The following SLC9A9 variants were observed in gnomAD, a reference collection of about 807,000 sequenced individuals.
SLC9A9 encodes solute carrier family 9 member A9.
SLC9A9 carries 62 observed loss-of-function variants against 77.8 expected under a neutral mutation model. That is an observed-to-expected ratio of 0.80 (90% CI 0.65 to 0.98). The LOEUF is 0.98. Ranked by LOEUF, SLC9A9 falls within the 50% of genes least tolerant of loss-of-function variation. The probability of loss-of-function intolerance (pLI) is 0.00; values close to 1 mark genes in which losing one functional copy is unlikely to be tolerated. For missense variants in SLC9A9, 775 were observed against 774.9 expected (o/e 1.00, Z 0.00); for synonymous variants, 320 against 283.5 (o/e 1.13, Z -1.29).
chr3:143,523,899 A>C (rs961603839), intron 9 of SLC9A9, among the ~76,000 whole-genome samples: 1 of 152,172 alleles, frequency 6.6e-6, no homozygotes, highest in African/African-American at 2.4e-5. Flanking sequence ...AGCTATATAA[A>C]ACGAAGAAAG....
intron 14 of SLC9A9, among the ~76,000 whole-genome samples, chr3:143,275,829 A>G (rs557506823): frequency 6.6e-6 from 1 of 152,258 alleles, no homozygotes; most frequent in South Asian, 2.1e-4. Context: ...TTTTCTTATA[A>G]TAGCTCTGTT....
At chr3:143,467,932 T>C (rs2035313259) in intron 11 of SLC9A9, among the ~76,000 whole-genome samples, 1 of 152,246 alleles carries the variant, frequency 6.6e-6, no homozygotes, top group South Asian at 2.1e-4. Context: ...GTATATAGTC[T>C]CTTGGAATTG....
intron 4 of SLC9A9, among the ~76,000 whole-genome samples, chr3:143,734,860 C>G (rs1435526688): frequency 6.6e-6 from 1 of 151,936 alleles, no homozygotes; most frequent in Non-Finnish European, 1.5e-5. Context: ...GCTGTTTATT[C>G]TATCTACTCT....
intron 12 of SLC9A9, among the ~76,000 whole-genome samples, chr3:143,425,152 G>A (rs2034379503): frequency 6.6e-6 from 1 of 152,026 alleles, no homozygotes; most frequent in African/African-American, 2.4e-5. Flanking sequence ...AATTATTCAG[G>A]TAGAGGGTTA....
At chr3:143,842,728 G>A (rs2009739304) in intron 1 of SLC9A9, among the ~76,000 whole-genome samples, 1 of 152,224 alleles carries the variant, frequency 6.6e-6, no homozygotes, top group Non-Finnish European at 1.5e-5. Flanking sequence ...GAATTCAACA[G>A]AATTTACTGA....
At chr3:143,772,161 A>G (rs555172164) in intron 4 of SLC9A9, among the ~76,000 whole-genome samples, 1 of 152,152 alleles carries the variant, frequency 6.6e-6, no homozygotes, top group South Asian at 2.1e-4. Context: ...TGCTGCCAGG[A>G]CAAGCAAGGG....
chr3:143,295,380 A>G (rs2030219247), intron 14 of SLC9A9, among the ~76,000 whole-genome samples: 1 of 152,240 alleles, frequency 6.6e-6, no homozygotes, highest in Non-Finnish European at 1.5e-5. Context: ...TGCAGACAGC[A>G]GTAAAAGCTA....
chr3:143,482,974 T>C (rs987322872), intron 11 of SLC9A9, among the ~76,000 whole-genome samples: 10 of 152,292 alleles, frequency 6.6e-5, no homozygotes, highest in Admixed American at 5.2e-4. Context: ...GTGCTGAGTG[T>C]CACACGATAT....
At position 143,517,712 on chromosome 3, in the gene SLC9A9, C is replaced by T. The variant is rs1344870931; in HGVS notation, c.1090-22264G>A. 6 of 1,597,748 alleles carry T rather than the reference C, an allele frequency of 3.8e-6. No individual in the cohort carries two copies. In the East Asian group the frequency reaches 1.3e-4, roughly 36 times the overall value. ...TGAATCAGGATTTATTTCAATGGCT[C>T]TGTCACAGTCTTGGATGGCAGCACT... On this transcript the variant is annotated intron_variant, in intron 9 of 15. Coordinates refer to ENST00000316549, the MANE Select transcript of SLC9A9 (RefSeq NM_173653.4).
At chr3:143,776,025 C>G (rs1186825522) in intron 4 of SLC9A9, among the ~76,000 whole-genome samples, 1 of 152,172 alleles carries the variant, frequency 6.6e-6, no homozygotes, top group Admixed American at 6.5e-5. Flanking sequence ...GGCTTATATG[C>G]AAATCCTTGG....
intron 6 of SLC9A9, among the ~76,000 whole-genome samples, chr3:143,595,724 A>C (rs1357822285): frequency 6.6e-6 from 1 of 152,192 alleles, no homozygotes; most frequent in Non-Finnish European, 1.5e-5. Context: ...AGGACAAAGG[A>C]TATATGGGAA....
At chr3:143,791,022 T>G (rs766089926) in intron 4 of SLC9A9, among the ~76,000 whole-genome samples, 4 of 152,186 alleles carry the variant, frequency 2.6e-5, no homozygotes, top group Non-Finnish European at 5.9e-5. Flanking sequence ...TATATTGGCA[T>G]GGTGTATAGG....
intron 6 of SLC9A9, among the ~76,000 whole-genome samples, chr3:143,637,088 C>T (rs1213309770): frequency 6.6e-6 from 1 of 152,178 alleles, no homozygotes; most frequent in Non-Finnish European, 1.5e-5. Context: ...AGTGTTGTAA[C>T]ACCCCTCAAG....
intron 9 of SLC9A9, 147 bp downstream of exon 9, chr3:143,552,215 A>T (rs777544500): frequency 1.0e-4 from 62 of 611,852 alleles, no homozygotes; most frequent in Non-Finnish European, 1.5e-4. Flanking sequence ...GAGGGAAAAA[A>T]ATCTATAAAT....
intron 11 of SLC9A9, among the ~76,000 whole-genome samples, chr3:143,490,490 A>G (rs994887313): frequency 6.6e-6 from 1 of 152,160 alleles, no homozygotes; most frequent in Non-Finnish European, 1.5e-5. Flanking sequence ...AAGAGACAGA[A>G]AGAATGGTGG....
chr3:143,446,511 C>T (rs1034069941), intron 12 of SLC9A9, among the ~76,000 whole-genome samples: 4 of 152,040 alleles, frequency 2.6e-5, no homozygotes, highest in African/African-American at 9.7e-5. Flanking sequence ...CTCCTAAAGG[C>T]CCTGAATGCC....
rs1287529381 is a variant in SLC9A9, at chr3:143,319,646, G to A, written c.1604+43838C>T. Reference sequence around the variant, plus strand: ...TAGCAAAGAGGCTGCAACTCCCAGTGTATTATTATCATTTGTCTTTTCCGC... The same window carrying A: ...TAGCAAAGAGGCTGCAACTCCCAGTATATTATTATCATTTGTCTTTTCCGC... On this transcript the variant is annotated intron_variant, in intron 14 of 15. Coordinates refer to ENST00000316549, the MANE Select transcript of SLC9A9 (RefSeq NM_173653.4). Among the ~76,000 whole-genome samples, 4 of 152,192 alleles carry A rather than the reference G, an allele frequency of 2.6e-5. No individual in the cohort carries two copies. The East Asian group carries it at 7.7e-4, about 29-fold the overall frequency.
At chr3:143,756,881 C>A (rs1317605202) in intron 4 of SLC9A9, among the ~76,000 whole-genome samples, 1 of 152,194 alleles carries the variant, frequency 6.6e-6, no homozygotes, top group Non-Finnish European at 1.5e-5. Flanking sequence ...GGTAGTTCTA[C>A]TCCTCTTAAT....
intron 14 of SLC9A9, among the ~76,000 whole-genome samples, chr3:143,284,378 AAT>A (rs1938318013): frequency 8.6e-5 from 13 of 151,684 alleles, no homozygotes; most frequent in Admixed American, 8.5e-4. Context: ...CAGCTCCAGA[AAT>A]TTCTGTGGGA....
Sources: gnomAD v4.1 joint callset for allele counts (sites outside exome capture counted in the v4.1 genomes callset) on GRCh38, gnomAD v4.1.1 for gene constraint, MANE v1.5 for transcripts, NCBI Gene and HGNC (gene_info 2026-07-23, HGNC 2026-07-21) for gene names.